SULF2: variants seen among roughly 807,000 people sequenced by gnomAD.
SULF2 encodes the protein extracellular sulfatase Sulf-2.
Under a neutral mutation model 107.7 loss-of-function variants are expected in SULF2, and 52 were observed. That is an observed-to-expected ratio of 0.48 (90% confidence interval 0.39 to 0.61). SULF2 has a LOEUF of 0.61. Among genes scored for constraint, SULF2 ranks in the 20% least tolerant of loss-of-function variants. The pLI is 0.00. For synonymous variants in SULF2, 460 were observed against 464.3 expected, an observed-to-expected ratio of 0.99 and a Z score of 0.12; for missense variants, 993 against 1,177.3, an observed-to-expected ratio of 0.84 and a Z score of 2.29.
At chr20:47,718,319 T>C (rs2146682584) in intron 3 of SULF2, among the ~76,000 whole-genome samples, 1 of 152,320 alleles carries the variant, frequency 6.6e-6, no homozygotes, top group Middle Eastern at 3.4e-3. Context: ...TGCCTCTAAA[T>C]GGTTACTGTT....
chr20:47,773,911 A>G (rs939105990), intron 1 of SULF2, among the ~76,000 whole-genome samples: 1 of 152,246 alleles, frequency 6.6e-6, no homozygotes, highest in Non-Finnish European at 1.5e-5. Flanking sequence ...CCAGAAGAAT[A>G]TAAAAGGAAT....
chr20:47,733,703 G>A (rs1452100925), intron 3 of SULF2, among the ~76,000 whole-genome samples: 1 of 152,188 alleles, frequency 6.6e-6, no homozygotes, highest in African/African-American at 2.4e-5. Flanking sequence ...AACCCAGGAG[G>A]CAGAGGTTGT....
In SULF2 at chr20:47,684,063, T is replaced by C. The variant is rs1262931890; in HGVS notation, c.888+368A>G. Among the ~76,000 whole-genome samples, 4 of 152,282 alleles carry C rather than the reference T, an allele frequency of 2.6e-5. No individual in the cohort carries two copies. In the Middle Eastern group the frequency reaches 0.01, roughly 388 times the overall value. On this transcript the variant is annotated intron_variant, in intron 6 of 20. Transcript: ENST00000688720. The stretch of plus-strand genomic sequence containing the variant: ...GGTAAGAAAAATGTCCTAACATGGA[T>C]GTGGTGATGGTTATACAACTCTGGG...
chr20:47,659,878 G>A (rs1172573535), intron 18 of SULF2, 148 bp from the exon 19 acceptor site: 6 of 654,390 alleles, frequency 9.2e-6, no homozygotes, highest in Non-Finnish European at 1.6e-5. Flanking sequence ...AATTATGAGG[G>A]GTAGACTGAA....
intron 5 of SULF2, 24 bp from the exon 6 acceptor site, chr20:47,684,605 C>T (rs756638005): frequency 2.0e-5 from 32 of 1,607,918 alleles, no homozygotes; most frequent in African/African-American, 1.1e-4. Context: ...ACATACACAT[C>T]GGTCAAACCC....
chr20:47,769,359 A>ATTT (rs71183279), intron 1 of SULF2, among the ~76,000 whole-genome samples: 1,468 of 128,540 alleles, frequency 0.011, 37 homozygotes, highest in African/African-American at 0.039. Flanking sequence ...TAATTTTTGT[A>ATTT]TTTTTTTTTT....
chr20:47,684,254 A>C, intron 6 of SULF2, 177 bp downstream of exon 6: 1 of 569,494 alleles, frequency 1.8e-6, no homozygotes, highest in Non-Finnish European at 2.9e-6. Flanking sequence ...TCATGAAGGA[A>C]GAGGCTTTTG....
chr20:47,663,955 C>G (rs776770605), intron 15 of SULF2, among the ~76,000 whole-genome samples, 175 bp downstream of exon 15: 1 of 152,140 alleles, frequency 6.6e-6, no homozygotes, highest in South Asian at 2.1e-4. Context: ...CACAAGGGGG[C>G]GTCGGAGGCC....
intron 5 of SULF2, among the ~76,000 whole-genome samples, chr20:47,688,298 T>G (rs2088082414): frequency 1.3e-5 from 2 of 152,164 alleles, no homozygotes; most frequent in East Asian, 1.9e-4. Context: ...CGGAAATGAT[T>G]ATACTCCAGA....
At chr20:47,665,049 G>T in intron 14 of SULF2, 150 bp downstream of exon 14, 1 of 686,880 alleles carries the variant, frequency 1.5e-6, no homozygotes, top group Non-Finnish European at 2.6e-6. Context: ...GCTGACAACA[G>T]GGAGGTAAAT....
intron 14 of SULF2, 125 bp from the exon 15 acceptor site, chr20:47,664,314 G>C: frequency 1.1e-6 from 1 of 926,034 alleles, no homozygotes; most frequent in African/African-American, 1.6e-5. Flanking sequence ...CTCCTTCTGG[G>C]GTGGTGGTGG....
intron 11 of SULF2, among the ~76,000 whole-genome samples, chr20:47,671,155 C>T (rs1602601989): frequency 6.6e-6 from 1 of 152,294 alleles, no homozygotes; most frequent in African/African-American, 2.4e-5. Context: ...CTAGAAGAGT[C>T]CCTCTCTCCA....
chr20:47,663,417 C>T, intron 16 of SULF2, 36 bp downstream of exon 16: 1 of 1,603,424 alleles, frequency 6.2e-7, no homozygotes, highest in Non-Finnish European at 8.5e-7. Flanking sequence ...AACCCCTGGG[C>T]CTCAGCCTGT....
At chr20:47,775,840 T>C (rs1459457170) in intron 1 of SULF2, among the ~76,000 whole-genome samples, 1 of 152,192 alleles carries the variant, frequency 6.6e-6, no homozygotes, top group Non-Finnish European at 1.5e-5. Flanking sequence ...CAAAAAGTAA[T>C]CAATAGATAT....
intron 3 of SULF2, among the ~76,000 whole-genome samples, chr20:47,704,300 T>A (rs2088659910): frequency 6.6e-6 from 1 of 151,960 alleles, no homozygotes; most frequent in Non-Finnish European, 1.5e-5. Context: ...TTGAGACACG[T>A]CACACTCTGC....
chr20:47,663,119 A>G lies in SULF2; in HGVS notation c.2321T>C (p.Phe774Ser), dbSNP rs781304755. ...AAAGTACTCTAGGAAGCCAGTTGCA[A>G]ATTCACAGAAGAGGAAATTGTGAGT... ...NETHNFLFCE[F>S]ATGFLEYFDL... is the part of the protein sequence containing the mutation. Residue 774 changes from phenylalanine to serine, a missense_variant, in exon 17 of 21, where the codon TTT becomes TCT. Transcript: ENST00000688720. 6.2e-7 allele frequency: 1 copy of G among 1,614,146 alleles called. No individual in the cohort carries two copies. Among genetic ancestry groups the G allele is most frequent in the Non-Finnish European group, 8.5e-7 (1 of 1,180,016 alleles).
chr20:47,677,509 C>T (rs1208690371), intron 8 of SULF2, among the ~76,000 whole-genome samples: 4 of 152,044 alleles, frequency 2.6e-5, no homozygotes, highest in Admixed American at 6.6e-5. Flanking sequence ...TCGAGTTCAG[C>T]GTCAGGCGCA....
At chr20:47,749,663 T>C (rs1451607162) in intron 2 of SULF2, among the ~76,000 whole-genome samples, 3 of 152,238 alleles carry the variant, frequency 2.0e-5, no homozygotes, top group Non-Finnish European at 4.4e-5. Flanking sequence ...GTGGTTTCCT[T>C]GTGTTCACAG....
At chr20:47,667,888 C>G (rs901283177) in intron 11 of SULF2, among the ~76,000 whole-genome samples, 2 of 152,166 alleles carry the variant, frequency 1.3e-5, no homozygotes, top group South Asian at 2.1e-4. Flanking sequence ...CACCCCCACT[C>G]TTGGGGGATG....
Sources: gnomAD v4.1 joint callset for allele counts (sites outside exome capture counted in the v4.1 genomes callset) on GRCh38, gnomAD v4.1.1 for gene constraint, MANE v1.5 for transcripts, NCBI Gene and HGNC (gene_info 2026-07-23, HGNC 2026-07-21) for gene names.